NEMP2: variants seen among roughly 807,000 people sequenced by gnomAD.
The protein encoded by NEMP2 is nuclear envelope integral membrane protein 2.
A neutral mutation model predicts 54.2 loss-of-function variants in NEMP2; 53 were observed. The ratio of observed to expected loss-of-function variants is 0.98; its 90% CI spans 0.78 to 1.23. NEMP2 has a LOEUF of 1.23. NEMP2 is among the 50% of genes most tolerant of loss of function. The pLI is 0.00. For synonymous variants in NEMP2, 197 were observed against 190.3 expected, an observed-to-expected ratio of 1.04 and a Z score of -0.29; for missense variants, 455 against 511.3, an observed-to-expected ratio of 0.89 and a Z score of 1.06.
chr2:190,552,101 A>T, the NEMP2 span, among the ~76,000 whole-genome samples: 2 of 152,126 alleles, frequency 1.3e-5, no homozygotes, highest in African/African-American at 4.8e-5. Flanking sequence ...TGCACTCACA[A>T]CTTGTGGGTT....
chr2:190,501,113 T>C (rs1398063249), downstream of NEMP2: 1 of 152,162 alleles, frequency 6.6e-6, no homozygotes, highest in East Asian at 1.9e-4. Flanking sequence ...CACACAAAAA[T>C]CACTGAATTC....
At chr2:190,603,444 C>T in the NEMP2 span, among the ~76,000 whole-genome samples, 224 of 151,342 alleles carry the variant, frequency 1.5e-3, 1 homozygote, top group African/African-American at 5.2e-3. Flanking sequence ...TATTTGTTTC[C>T]GTAGCCATTG....
the NEMP2 span, among the ~76,000 whole-genome samples, chr2:190,552,255 T>C: frequency 6.6e-6 from 1 of 152,322 alleles, no homozygotes; most frequent in South Asian, 2.1e-4. Context: ...ATTCAGGTCT[T>C]GTGGCTGTTT....
chr2:190,587,927 C>G, the NEMP2 span, among the ~76,000 whole-genome samples: 1 of 151,688 alleles, frequency 6.6e-6, no homozygotes, highest in Non-Finnish European at 1.5e-5. This position sits in a 1 kb window ranked among gnomAD's most constrained non-coding sequence, Gnocchi z 5.4. Context: ...CTCTTTCAGA[C>G]AAGTTAGAGA....
the NEMP2 span, chr2:190,463,821 A>AAAAT: frequency 1.1e-6 from 1 of 936,486 alleles, no homozygotes; most frequent in Admixed American, 6.2e-5. This position sits in a 1 kb window ranked among gnomAD's most constrained non-coding sequence, Gnocchi z 4.4. Context: ...CCCTGTCTCA[A>AAAAT]AAATAAATAA....
rs766276124 is a variant in NEMP2 at position 190,516,369 on chromosome 2, C to T, written c.628G>A (p.Ala210Thr). The T allele has an allele frequency of 6.4e-7, 1 of 1,551,124 alleles. No individual in the cohort carries two copies. Among genetic ancestry groups the T allele is most frequent in the South Asian group, 1.2e-5 (1 of 84,014 alleles). The change falls in exon 6 of 9, where the codon GCT becomes ACT. Residue 210 changes from alanine (A) to threonine (T), a missense_variant. Physicochemically the swap from Ala to Thr is moderately conservative, Grantham distance 58 (BLOSUM62 0). This residue lies in a region of NEMP2 where 294 missense variants were observed against 333.6 expected (regional missense o/e 0.88). Transcript: ENST00000409150. The part of the protein sequence containing the change: ...RFIPKYSTFW[A>T]LMVGCWFASV... ...GCAAACCAACAACCAACCATTAGAG[C>T]CCAAAAGGTGCTATACTGTGTGTGG...
At chr2:190,551,705 C>A in the NEMP2 span, among the ~76,000 whole-genome samples, 2 of 151,958 alleles carry the variant, frequency 1.3e-5, no homozygotes, top group African/African-American at 4.8e-5. Flanking sequence ...CAAGAGATTT[C>A]GCCTCAATAC....
chr2:190,555,326 A>G, the NEMP2 span, among the ~76,000 whole-genome samples: 1,733 of 152,222 alleles, frequency 0.011, 35 homozygotes, highest in African/African-American at 0.038. This position sits in a 1 kb window ranked among gnomAD's most constrained non-coding sequence, Gnocchi z 4.8. Context: ...TGAGTTTGAC[A>G]AATTGACAGA....
chr2:190,488,604 G>A, the NEMP2 span: 2 of 1,370,838 alleles, frequency 1.5e-6, no homozygotes, highest in South Asian at 1.9e-5. The surrounding 1 kb of genome is among the most constrained non-coding windows in gnomAD (Gnocchi z 6.4). Context: ...TCAAAACAGA[G>A]TAGCCTAAGA....
chr2:190,625,336 C>A, the NEMP2 span: 1 of 152,188 alleles, frequency 6.6e-6, no homozygotes, highest in South Asian at 2.1e-4. Flanking sequence ...TGTATGATTC[C>A]ATTTATATAA....
At chr2:190,496,718 A>G in the NEMP2 span, among the ~76,000 whole-genome samples, 2 of 152,302 alleles carry the variant, frequency 1.3e-5, no homozygotes, top group South Asian at 4.1e-4. The surrounding 1 kb of genome is among the most constrained non-coding windows in gnomAD (Gnocchi z 4.7). Context: ...ACACAATGGA[A>G]TACTACTCAG....
the NEMP2 span, chr2:190,489,712 T>G: frequency 2.7e-6 from 4 of 1,491,070 alleles, no homozygotes; most frequent in South Asian, 1.2e-5. The surrounding 1 kb of genome is among the most constrained non-coding windows in gnomAD (Gnocchi z 6.6). Context: ...TGGTTTTAGA[T>G]GAGCGCTATC....
chr2:190,563,160 G>A, the NEMP2 span, among the ~76,000 whole-genome samples: 2 of 152,096 alleles, frequency 1.3e-5, no homozygotes, highest in Non-Finnish European at 2.9e-5. This position sits in a 1 kb window ranked among gnomAD's most constrained non-coding sequence, Gnocchi z 4.3. Context: ...GTTTCCTTGA[G>A]ACATTCACAT....
the NEMP2 span, among the ~76,000 whole-genome samples, chr2:190,493,571 G>T: frequency 2.2e-4 from 34 of 152,038 alleles, no homozygotes; most frequent in East Asian, 6.2e-3. Flanking sequence ...AACAACTGCA[G>T]AATATTCATC....
At chr2:190,433,048 G>GT in the NEMP2 span, among the ~76,000 whole-genome samples, 1 of 152,076 alleles carries the variant, frequency 6.6e-6, no homozygotes, top group African/African-American at 2.4e-5. The surrounding 1 kb of genome is among the most constrained non-coding windows in gnomAD (Gnocchi z 4.5). Flanking sequence ...TCTGCTTTCC[G>GT]TAATTTTATT....
At chr2:190,449,982 T>C in the NEMP2 span, among the ~76,000 whole-genome samples, 1 of 151,950 alleles carries the variant, frequency 6.6e-6, no homozygotes, top group Non-Finnish European at 1.5e-5. Context: ...ACCTGCACAT[T>C]GTGCACGTGT....
intron 4 of NEMP2, among the ~76,000 whole-genome samples, chr2:190,518,024 A>G (rs770293976): frequency 5.3e-5 from 8 of 152,206 alleles, no homozygotes; most frequent in Non-Finnish European, 1.2e-4. Context: ...TCTTCATGCT[A>G]TGTATGCATC....
At chr2:190,563,933 T>C in the NEMP2 span, among the ~76,000 whole-genome samples, 1 of 152,178 alleles carries the variant, frequency 6.6e-6, no homozygotes, top group South Asian at 2.1e-4. This position sits in a 1 kb window ranked among gnomAD's most constrained non-coding sequence, Gnocchi z 4.3. Flanking sequence ...CTCTGCTACT[T>C]GTTTATGTTT....
the NEMP2 span, among the ~76,000 whole-genome samples, chr2:190,488,233 C>A: frequency 2.6e-5 from 4 of 152,204 alleles, no homozygotes; most frequent in Non-Finnish European, 5.9e-5. The surrounding 1 kb of genome is among the most constrained non-coding windows in gnomAD (Gnocchi z 6.4). Flanking sequence ...GACTCAGATA[C>A]TTGCATACCA....
Sources: allele counts gnomAD v4.1 joint callset (sites outside exome capture counted in the v4.1 genomes callset), GRCh38; gene constraint gnomAD v4.1.1; regional missense constraint gnomAD v4.1.1; non-coding constraint Gnocchi (gnomAD v3.1); transcripts MANE v1.5; gene names NCBI Gene and HGNC (gene_info 2026-07-23, HGNC 2026-07-21).